The following PWWP3B variants were observed in gnomAD, a reference collection of about 807,000 sequenced individuals.
The protein encoded by PWWP3B is PWWP domain containing 3B, also known as PWWP domain-containing DNA repair factor 3B.
In PWWP3B, 5 loss-of-function variants were observed where a neutral mutation model predicts 15.7. That is an observed-to-expected ratio of 0.32 (90% CI 0.17 to 0.67). The LOEUF (loss-of-function observed/expected upper bound fraction) is 0.67. PWWP3B is among the 30% of genes least tolerant of loss of function. The pLI is 0.74. For missense variants in PWWP3B, 519 were observed against 493.1 expected, an observed-to-expected ratio of 1.05 and a Z score of -0.50; for synonymous variants, 203 against 179.8, an observed-to-expected ratio of 1.13 and a Z score of -1.03.
At chrX:106,170,641 C>A (rs935812173) in intron 1 of PWWP3B, among the ~76,000 whole-genome samples, 2 of 111,488 alleles carry the variant, frequency 1.8e-5, no homozygotes, top group African/African-American at 6.5e-5. Context: ...GATTGAAATT[C>A]CATTCAAAAT....
intron 2 of PWWP3B, among the ~76,000 whole-genome samples, chrX:106,185,064 G>A (rs1395791026): frequency 9.0e-6 from 1 of 111,531 alleles, no homozygotes; most frequent in East Asian, 2.8e-4. Flanking sequence ...AGAAAGCTTG[G>A]GCATAAGGTA....
chrX:106,188,625 ACCTTT>A (rs954198867), intron 2 of PWWP3B, among the ~76,000 whole-genome samples: 1 of 112,325 alleles, frequency 8.9e-6, no homozygotes, highest in Non-Finnish European at 1.9e-5. Context: ...AAGCTGTATA[ACCTTT>A]CCTTTACTCC....
chrX:106,183,684 G>GGGCCTT (rs1452216347), intron 2 of PWWP3B, among the ~76,000 whole-genome samples: 1 of 112,452 alleles, frequency 8.9e-6, no homozygotes, highest in Non-Finnish European at 1.9e-5. Context: ...AGGATTCCTT[G>GGGCCTT]GATGGTAACG....
At chrX:106,188,350 G>T (rs1922647295) in intron 2 of PWWP3B, among the ~76,000 whole-genome samples, 1 of 111,586 alleles carries the variant, frequency 9.0e-6, no homozygotes, top group African/African-American at 3.3e-5. Flanking sequence ...ACTACAGAGG[G>T]TATTTTTAAA....
Position 106,207,002 on chromosome X carries a change from G to T in PWWP3B, c.1570G>T (p.Glu524Ter). Residue 524 changes from glutamate (E) to a stop codon, truncating the protein, a stop_gained, in exon 4 of 4, where the codon GAA (glutamate) becomes TAA (stop). Transcript: ENST00000357175. LOFTEE classifies it high-confidence loss of function. The stretch of plus-strand genomic sequence containing the variant: ...AAAGCTGCATAATGAAGATGCCAGG[G>T]AACCGATGGCTGTAACTTCCCAGAC... ...FPKLHNEDAR[E>*]PMAVTSQTKK... is the part of the protein sequence containing the mutation. The T allele has an allele frequency of 1.7e-6, 2 of 1,210,174 alleles. No homozygotes were observed. Among genetic ancestry groups the T allele is most frequent in the Non-Finnish European group, 2.2e-6 (2 of 894,685 alleles).
At chrX:106,180,494 C>A (rs1006753108) in intron 2 of PWWP3B, among the ~76,000 whole-genome samples, 2 of 111,727 alleles carry the variant, frequency 1.8e-5, no homozygotes, top group South Asian at 3.7e-4. Flanking sequence ...TCTCTTTTTT[C>A]TTTGCCTTTC....
chrX:106,177,723 A>G (rs180753959), intron 2 of PWWP3B, among the ~76,000 whole-genome samples: 3 of 112,395 alleles, frequency 2.7e-5, no homozygotes, highest in African/African-American at 6.5e-5. Context: ...AGAAAAATGT[A>G]AACACACAAA....
chrX:106,194,116 G>C (rs1569363560), intron 2 of PWWP3B, among the ~76,000 whole-genome samples: 1 of 111,585 alleles, frequency 9.0e-6, no homozygotes, highest in Non-Finnish European at 1.9e-5. Flanking sequence ...AGTTCTCCTG[G>C]ATAATATCCT....
chrX:106,205,407 C>A lies in PWWP3B; in HGVS notation c.-26C>A, dbSNP rs772855467. 2 of 1,107,544 alleles carry A rather than the reference C, an allele frequency of 1.8e-6. No homozygotes were observed. Among genetic ancestry groups the A allele is most frequent in the Non-Finnish European group, 1.2e-6 (1 of 845,196 alleles). 91.3% of individuals were successfully genotyped at this position (1,107,544 alleles called of 1,213,427 possible). Reference sequence around the variant, plus strand: ...TAGCCACCTCAACCTTTGGTAATAACCCTTGGCACACAAATATAAACCATA... The same window carrying A: ...TAGCCACCTCAACCTTTGGTAATAAACCTTGGCACACAAATATAAACCATA... On this transcript the variant is annotated 5_prime_UTR_variant, in exon 4 of 4. Transcript: ENST00000357175.
chrX:106,203,297 G>T (rs967215514), intron 2 of PWWP3B, among the ~76,000 whole-genome samples: 3 of 111,707 alleles, frequency 2.7e-5, no homozygotes, highest in African/African-American at 9.8e-5. Flanking sequence ...TTCATAATCA[G>T]AAACACTGTA....
rs1399613577 is a variant in PWWP3B, at chrX:106,208,001, TC to T, written c.*479del. Reference sequence around the variant, plus strand: ...TCCCTTAAGATAGTTGAAGTATTTTTCTTGCCATGCCTATTTATTTTTGCAA... The same window carrying T: ...TCCCTTAAGATAGTTGAAGTATTTTTTTGCCATGCCTATTTATTTTTGCAA... On this transcript the variant is annotated 3_prime_UTR_variant, in exon 4 of 4. Transcript: ENST00000357175. 8.0e-6 allele frequency: 1 copy of T among 124,404 alleles called. No individual in the cohort carries two copies. The highest frequency in any genetic ancestry group is 2.8e-4 in the East Asian group (1 of 3,604). 10.3% of individuals were successfully genotyped at this position (124,404 alleles called of 1,213,427 possible). A position where few individuals can be genotyped will look rare whatever the true frequency, so the allele number is the denominator to read the frequency against.
At chrX:106,189,939 A>T (rs1223833866) in intron 2 of PWWP3B, among the ~76,000 whole-genome samples, 7 of 112,649 alleles carry the variant, frequency 6.2e-5, no homozygotes, top group African/African-American at 1.6e-4. Context: ...AATCCAGTCT[A>T]TCATTGTTGG....
Position 106,206,445 on chromosome X carries a change from G to T in PWWP3B, c.1013G>T (p.Arg338Ile), listed in dbSNP as rs762184690. 1.7e-6 allele frequency: 2 copies of T among 1,208,092 alleles called. No homozygotes were observed. Among genetic ancestry groups the T allele is most frequent in the Non-Finnish European group, 1.1e-6 (1 of 894,233 alleles). The change falls in exon 4 of 4, where the codon AGA (arginine) becomes ATA (isoleucine). Residue 338 changes from arginine to isoleucine, a missense_variant. By Grantham distance (97) the Arg-to-Ile change is moderately conservative. Coordinates refer to ENST00000357175, the MANE Select transcript of PWWP3B (RefSeq NM_001171020.2). ...WDYSHLMSSE[R>I]NFQRLDFEEL... is the part of the protein sequence containing the mutation. ...TATTCACATCTTATGAGTAGTGAAA[G>T]AAATTTTCAGAGACTGGATTTTGAA... is the stretch of plus-strand genomic sequence containing the variant.
At position 106,173,093 on chromosome X, in the gene PWWP3B, A is replaced by G. The variant is rs1031297211; in HGVS notation, c.-401+1954A>G. ...TAATTCTTTCCCAGCAACCATCACA[A>G]ATCCGTGCCTCATAACGTTGTGCTG... On this transcript the variant is annotated intron_variant, in intron 2 of 3. Transcript: ENST00000357175. Among the ~76,000 whole-genome samples, 68 of 111,997 alleles carry G rather than the reference A, an allele frequency of 6.1e-4. 2 individuals are homozygous for G. Among genetic ancestry groups the G allele is most frequent in the Admixed American group, 5.1e-3 (54 of 10,552 alleles).
intron 2 of PWWP3B, among the ~76,000 whole-genome samples, chrX:106,192,991 TGTG>T (rs1326920769): frequency 8.9e-6 from 1 of 111,741 alleles, no homozygotes; most frequent in Non-Finnish European, 1.9e-5. Flanking sequence ...GTGGGTGTGA[TGTG>T]GTGCTGAATA....
At chrX:106,192,741 G>A (rs1331607113) in intron 2 of PWWP3B, among the ~76,000 whole-genome samples, 1 of 110,597 alleles carries the variant, frequency 9.0e-6, no homozygotes, top group Non-Finnish European at 1.9e-5. Context: ...GGTATGTTGT[G>A]TCTTTGTTCT....
intron 2 of PWWP3B, among the ~76,000 whole-genome samples, chrX:106,178,180 C>T (rs1251204571): frequency 8.9e-6 from 1 of 111,901 alleles, no homozygotes; most frequent in East Asian, 2.8e-4. Flanking sequence ...GCAGCCCGCT[C>T]TTTCAGTCCA....
Position 106,169,196 on chromosome X carries a change from G to C in PWWP3B, c.-529+771G>C, listed in dbSNP as rs1380169518. 2.7e-5 allele frequency among the ~76,000 whole-genome samples: 3 copies of C among 111,585 alleles called. No individual in the cohort carries two copies. The East Asian group carries it at 8.4e-4, about 31-fold the overall frequency. ...TAGTTTCTATGTCGGCATAGAAACT[G>C]AGATGAGAACTTAAAATCATGGGGA... On this transcript the variant is annotated intron_variant, in intron 1 of 3. Transcript: ENST00000357175.
intron 2 of PWWP3B, among the ~76,000 whole-genome samples, chrX:106,176,478 G>T (rs1043037820): frequency 1.1e-4 from 12 of 111,671 alleles, no homozygotes; most frequent in Non-Finnish European, 2.1e-4. Flanking sequence ...ATATGAGCTT[G>T]CCCTCAAGGA....
Sources: allele counts gnomAD v4.1 joint callset (sites outside exome capture counted in the v4.1 genomes callset), GRCh38; gene constraint gnomAD v4.1.1; transcripts MANE v1.5; gene names NCBI Gene and HGNC (gene_info 2026-07-23, HGNC 2026-07-21).